Variants in ANKIB1 observed in about 807,000 individuals in gnomAD.
ANKIB1 encodes ankyrin repeat and IBR domain containing 1.
Under a neutral mutation model 122.1 loss-of-function variants are expected in ANKIB1, and 43 were observed. The ratio of observed to expected loss-of-function variants is 0.35; its 90% CI spans 0.28 to 0.45. The LOEUF is 0.45. Among genes scored for constraint, ANKIB1 ranks in the 20% least tolerant of loss-of-function variants. The pLI is 1.00. For missense variants in ANKIB1, 992 were observed against 1,329.5 expected (o/e 0.75, Z 3.95); for synonymous variants, 390 against 442.0 (o/e 0.88, Z 1.48).
chr7:92,363,328 T>C (rs1803995480), intron 10 of ANKIB1, among the ~76,000 whole-genome samples: 1 of 152,108 alleles, frequency 6.6e-6, no homozygotes, highest in Non-Finnish European at 1.5e-5. Context: ...GGAGAATTGC[T>C]TGAACCCAGG....
chr7:92,381,376 A>T (rs959020876), intron 11 of ANKIB1, among the ~76,000 whole-genome samples: 1 of 152,206 alleles, frequency 6.6e-6, no homozygotes, highest in African/African-American at 2.4e-5. Context: ...ATTCAAGTTC[A>T]GGAAACACAG....
chr7:92,287,793 T>C (rs1802163058), intron 1 of ANKIB1, among the ~76,000 whole-genome samples: 1 of 152,122 alleles, frequency 6.6e-6, no homozygotes, highest in Non-Finnish European at 1.5e-5. Flanking sequence ...CCCAGCACTT[T>C]GGGAGGCCAG....
At chr7:92,393,301 G>A (rs951503698) in intron 17 of ANKIB1, among the ~76,000 whole-genome samples, 2 of 151,830 alleles carry the variant, frequency 1.3e-5, no homozygotes, top group East Asian at 3.9e-4. Context: ...TGTGCTTAGA[G>A]CCCTGATCTG....
chr7:92,250,169 G>A (rs1051175518), intron 1 of ANKIB1, among the ~76,000 whole-genome samples: 16 of 152,138 alleles, frequency 1.1e-4, no homozygotes, highest in East Asian at 7.7e-4. Context: ...TGAGGCAGGC[G>A]GATCACCTGA....
At chr7:92,372,387 T>C (rs1452014605) in intron 11 of ANKIB1, among the ~76,000 whole-genome samples, 1 of 152,164 alleles carries the variant, frequency 6.6e-6, no homozygotes, top group African/African-American at 2.4e-5. Context: ...ATGCAAATAA[T>C]ACACCATTTT....
intron 11 of ANKIB1, among the ~76,000 whole-genome samples, chr7:92,376,621 G>A (rs368906644): frequency 4.6e-5 from 7 of 151,854 alleles, no homozygotes; most frequent in African/African-American, 7.2e-5. Context: ...GCTAATTTTT[G>A]TATTTTTAGT....
In ANKIB1 at chr7:92,378,245, G is replaced by A. The variant is rs141927103; in HGVS notation, c.1617+6638G>A. 5.7e-3 allele frequency among the ~76,000 whole-genome samples: 866 copies of A among 151,526 alleles called. 3 individuals carry two copies. Among genetic ancestry groups the A allele is most frequent in the Non-Finnish European group, 8.7e-3 (593 of 67,836 alleles). On this transcript the variant is annotated intron_variant, in intron 11 of 19. Coordinates refer to ENST00000265742, the MANE Select transcript of ANKIB1 (RefSeq NM_019004.2). ...AGGATTTCAGATTTTTTTTTCATTT[G>A]GAATATTTGCAGTATACCAATTGAG...
At chr7:92,338,928 AAAAAAATAT>A (rs1186965767) in intron 5 of ANKIB1, among the ~76,000 whole-genome samples, 10 of 42,882 alleles carry the variant, frequency 2.3e-4, no homozygotes, top group Non-Finnish European at 3.0e-4. Flanking sequence ...AAAAAAAAAA[AAAAAAATAT>A]ATATATATAT....
Position 92,307,515 on chromosome 7 carries a change from T to C in ANKIB1, c.345T>C (p.Asp115=). The C allele has an allele frequency of 3.7e-6, 6 of 1,613,870 alleles. No individual in the cohort carries two copies. The highest frequency in any genetic ancestry group is 5.1e-6 in the Non-Finnish European group (6 of 1,179,886). Reference sequence around the variant, plus strand: ...CAGAAGATGATTTCAGAAGAGCAGATTGTCTGCAGATGATCTTAAAATGGA... The same window carrying C: ...CAGAAGATGATTTCAGAAGAGCAGACTGTCTGCAGATGATCTTAAAATGGA... ...RPTEDDFRRA[D]CLQMILKWKG... is the part of the protein sequence containing the mutation. The change falls in exon 3 of 20, where the codon GAT becomes GAC. Residue 115 remains aspartate (D), a synonymous_variant. Coordinates refer to ENST00000265742, the MANE Select transcript of ANKIB1 (RefSeq NM_019004.2).
In ANKIB1 at chr7:92,339,727, G is replaced by A. The variant is rs532593594; in HGVS notation, c.788-3297G>A. Among the ~76,000 whole-genome samples the A allele has an allele frequency of 3.3e-5, 5 of 152,122 alleles. No homozygotes were observed. In the South Asian group the frequency reaches 1.0e-3, roughly 32 times the overall value. On this transcript the variant is annotated intron_variant, in intron 5 of 19. Coordinates refer to ENST00000265742, the MANE Select transcript of ANKIB1 (RefSeq NM_019004.2). ...TTTAATTTTCTCTCTACATATAGCT[G>A]TATCTTATTTTCAATTTCAATGTGT...
At chr7:92,291,555 A>ATTTTTC (rs1186843879) in intron 1 of ANKIB1, among the ~76,000 whole-genome samples, 1 of 144,436 alleles carries the variant, frequency 6.9e-6, no homozygotes, top group African/African-American at 2.5e-5. Flanking sequence ...AACAGGCTAC[A>ATTTTTC]TTTTTCTTTT....
At chr7:92,338,577 G>A (rs1321463444) in intron 5 of ANKIB1, among the ~76,000 whole-genome samples, 1 of 151,796 alleles carries the variant, frequency 6.6e-6, no homozygotes, top group Non-Finnish European at 1.5e-5. Flanking sequence ...ATAAGGTTAG[G>A]TTTTGGCATT....
In ANKIB1 at chr7:92,371,559, G is replaced by A; in HGVS notation, c.1569G>A (p.Lys523=). The A allele has an allele frequency of 6.2e-7, 1 of 1,605,640 alleles. No individual in the cohort carries two copies. Among genetic ancestry groups the A allele is most frequent in the Non-Finnish European group, 8.5e-7 (1 of 1,175,656 alleles). The change falls in exon 11 of 20, where the codon AAG becomes AAA. Residue 523 remains lysine (K), a synonymous_variant. Coordinates refer to ENST00000265742, the MANE Select transcript of ANKIB1 (RefSeq NM_019004.2). ...LTNSKPCANC[K]SPIQKNEGCN... is the part of the protein sequence containing the mutation. ...ACTCCAAGCCTTGTGCCAACTGTAA[G>A]TCTCCAATACAGAAGAATGAAGGCT... is the stretch of plus-strand genomic sequence containing the variant.
chr7:92,291,114 C>T (rs562642236), intron 1 of ANKIB1, among the ~76,000 whole-genome samples: 13 of 151,930 alleles, frequency 8.6e-5, no homozygotes, highest in East Asian at 5.8e-4. Context: ...GCCAAAATGG[C>T]GAAACCCCGT....
At chr7:92,289,031 T>C (rs1478013964) in intron 1 of ANKIB1, among the ~76,000 whole-genome samples, 2 of 152,162 alleles carry the variant, frequency 1.3e-5, no homozygotes, top group African/African-American at 2.4e-5. Context: ...TCAAGAGAAA[T>C]TAAAACTTAA....
intron 11 of ANKIB1, among the ~76,000 whole-genome samples, chr7:92,375,948 T>G (rs1265444034): frequency 1.3e-5 from 2 of 152,198 alleles, no homozygotes; most frequent in Admixed American, 1.3e-4. Context: ...TCCTTGTACA[T>G]CTCCATCAGA....
chr7:92,321,094 C>G (rs1229835801), intron 4 of ANKIB1, among the ~76,000 whole-genome samples: 1 of 151,502 alleles, frequency 6.6e-6, no homozygotes, highest in African/African-American at 2.4e-5. Flanking sequence ...ACTGTATGCC[C>G]TTTTTATTTT....
chr7:92,318,385 G>A (rs973057745), intron 3 of ANKIB1, among the ~76,000 whole-genome samples: 69 of 151,962 alleles, frequency 4.5e-4, no homozygotes, highest in Non-Finnish European at 8.4e-4. Context: ...GCGTGGTGGC[G>A]GGTGCCTGTA....
chr7:92,364,098 T>C (rs1042400338), intron 10 of ANKIB1, among the ~76,000 whole-genome samples: 3 of 151,830 alleles, frequency 2.0e-5, no homozygotes, highest in Admixed American at 6.6e-5. Flanking sequence ...ACTTGAGGTC[T>C]GGAGTTCAAG....
Sources: gnomAD v4.1 joint callset for allele counts (sites outside exome capture counted in the v4.1 genomes callset) on GRCh38, gnomAD v4.1.1 for gene constraint, MANE v1.5 for transcripts, NCBI Gene and HGNC (gene_info 2026-07-23, HGNC 2026-07-21) for gene names.